THSD7B: variants seen among roughly 807,000 people sequenced by gnomAD.
The protein encoded by THSD7B is thrombospondin type 1 domain containing 7B.
THSD7B carries 138 observed loss-of-function variants against 213.6 expected under a neutral mutation model. The ratio of observed to expected loss-of-function variants is 0.65; its 90% confidence interval spans 0.56 to 0.74. The LOEUF is 0.74. Ranked by LOEUF, THSD7B falls within the 30% of genes least tolerant of loss-of-function variation. THSD7B has a pLI of 0.00. For missense variants in THSD7B, 1,931 were observed against 1,991.5 expected (o/e 0.97, Z 0.58); for synonymous variants, 742 against 687.0 (o/e 1.08, Z -1.25).
intron 1 of THSD7B, among the ~76,000 whole-genome samples, chr2:136,806,927 T>C (rs1397567831): frequency 6.6e-6 from 1 of 152,188 alleles, no homozygotes. Flanking sequence ...TTTTGTAGAA[T>C]GCTCTTTATT....
At chr2:136,865,759 A>G (rs183692371) in intron 1 of THSD7B, among the ~76,000 whole-genome samples, 4 of 152,360 alleles carry the variant, frequency 2.6e-5, no homozygotes, top group Admixed American at 6.5e-5. Flanking sequence ...AGCTGGCGTT[A>G]CCAGTTAAAA....
chr2:137,194,110 A>C (rs1158656938), intron 7 of THSD7B, among the ~76,000 whole-genome samples: 3 of 152,168 alleles, frequency 2.0e-5, no homozygotes, highest in African/African-American at 2.4e-5. Context: ...AACAAGTAAG[A>C]CCACACAAAA....
At chr2:137,444,581 A>G (rs1167355002) in intron 14 of THSD7B, among the ~76,000 whole-genome samples, 1 of 151,966 alleles carries the variant, frequency 6.6e-6, no homozygotes, top group African/African-American at 2.4e-5. Context: ...GTGCAGAAGA[A>G]TGAAACTAGA....
At chr2:137,002,330 A>G (rs894380602) in intron 2 of THSD7B, among the ~76,000 whole-genome samples, 1 of 152,176 alleles carries the variant, frequency 6.6e-6, no homozygotes, top group Non-Finnish European at 1.5e-5. Context: ...CTCATGTTAC[A>G]GATGAGAAAA....
At chr2:136,792,452 G>T (rs1352289412) in intron 1 of THSD7B, among the ~76,000 whole-genome samples, 1 of 151,944 alleles carries the variant, frequency 6.6e-6, no homozygotes, top group African/African-American at 2.4e-5. Context: ...ACCTGCCATC[G>T]TACATTTGTC....
chr2:137,416,065 C>T (rs72847186), intron 14 of THSD7B, among the ~76,000 whole-genome samples: 30,592 of 152,172 alleles, frequency 0.2, 3,353 homozygotes, highest in South Asian at 0.27. Flanking sequence ...ACATTCAAAA[C>T]ATGTTTTTGA....
intron 26 of THSD7B, among the ~76,000 whole-genome samples, chr2:137,667,239 T>C (rs570177786): frequency 6.6e-6 from 1 of 152,334 alleles, no homozygotes; most frequent in African/African-American, 2.4e-5. Context: ...AAAAATTTGA[T>C]TGACTATCTT....
rs182682658 is a variant in THSD7B at position 137,519,873 on chromosome 2, G to A, written c.3139-43348G>A. On this transcript the variant is annotated intron_variant, in intron 15 of 27. Coordinates refer to ENST00000409968, the MANE Select transcript of THSD7B (RefSeq NM_001316349.2). ...AGAAAAACAACTTTATTTGATCACT[G>A]GGGCTTTAAAAGGAAACATATCTCA... is the stretch of plus-strand genomic sequence containing the variant. Among the ~76,000 whole-genome samples the A allele has an allele frequency of 3.0e-4, 46 of 152,246 alleles. 1 individual carries two copies. The highest frequency in any genetic ancestry group is 1.7e-3 in the South Asian group (8 of 4,824).
chr2:137,236,473 AGTT>A (rs1249888284), intron 9 of THSD7B, among the ~76,000 whole-genome samples: 1 of 152,174 alleles, frequency 6.6e-6, no homozygotes, highest in Non-Finnish European at 1.5e-5. Context: ...ATCTTCCTGA[AGTT>A]GTGTTCGGTT....
At chr2:137,469,964 A>G (rs934134937) in intron 15 of THSD7B, among the ~76,000 whole-genome samples, 1 of 152,240 alleles carries the variant, frequency 6.6e-6, no homozygotes, top group African/African-American at 2.4e-5. Flanking sequence ...TCAAATGGTT[A>G]GATTTGGGGG....
intron 8 of THSD7B, 120 bp downstream of exon 8, chr2:137,231,355 C>G (rs572328575): frequency 1.0e-6 from 1 of 983,616 alleles, no homozygotes; most frequent in Non-Finnish European, 1.5e-6. Context: ...TATCTCTATT[C>G]CCTGAATCCA....
chr2:137,606,896 C>G lies in THSD7B; in HGVS notation c.3424-9279C>G, dbSNP rs576862958. Among the ~76,000 whole-genome samples the G allele has an allele frequency of 2.6e-5, 4 of 152,192 alleles. No individual in the cohort carries two copies. The East Asian group carries it at 7.7e-4, about 29-fold the overall frequency. On this transcript the variant is annotated intron_variant, in intron 17 of 27. Transcript: ENST00000409968. ...TTTCGTGTGCCCTCATTTCAAATGG[C>G]AACTGTCACCTAAGGACCCTTTGGG...
At chr2:136,983,358 G>GACACACACACACACACACACACACAC (rs778968995) in intron 2 of THSD7B, among the ~76,000 whole-genome samples, 5,995 of 104,946 alleles carry the variant, frequency 0.057, 298 homozygotes, top group East Asian at 0.13. Flanking sequence ...CAGACACACA[G>GACACACACACACACACACACACACAC]ACACACACAC....
intron 15 of THSD7B, among the ~76,000 whole-genome samples, chr2:137,462,575 A>T (rs1687905962): frequency 6.6e-6 from 1 of 152,038 alleles, no homozygotes; most frequent in South Asian, 2.1e-4. Flanking sequence ...AAAATAAAAC[A>T]AACAAACAAA....
At chr2:137,387,538 C>A (rs1685924336) in intron 12 of THSD7B, among the ~76,000 whole-genome samples, 2 of 152,072 alleles carry the variant, frequency 1.3e-5, no homozygotes, top group African/African-American at 4.8e-5. Context: ...TTAAACAATT[C>A]ATTACAGGTA....
intron 12 of THSD7B, among the ~76,000 whole-genome samples, chr2:137,337,294 A>G (rs908015027): frequency 6.6e-6 from 1 of 152,014 alleles, no homozygotes; most frequent in Non-Finnish European, 1.5e-5. Flanking sequence ...CCAGTCTGGG[A>G]CAGTTCTTCA....
chr2:136,800,329 A>C (rs1682153684), intron 1 of THSD7B, among the ~76,000 whole-genome samples: 1 of 151,840 alleles, frequency 6.6e-6, no homozygotes, highest in Non-Finnish European at 1.5e-5. Flanking sequence ...CATCATATTA[A>C]GTAGTGTGGC....
At chr2:137,188,056 A>C (rs1195380326) in intron 7 of THSD7B, among the ~76,000 whole-genome samples, 2 of 152,216 alleles carry the variant, frequency 1.3e-5, no homozygotes, top group Non-Finnish European at 2.9e-5. Context: ...AACACTTAGC[A>C]TGGTGCCTGG....
intron 5 of THSD7B, among the ~76,000 whole-genome samples, chr2:137,119,296 G>T (rs1275381267): frequency 3.3e-5 from 5 of 152,176 alleles, no homozygotes; most frequent in Non-Finnish European, 7.4e-5. Context: ...TTATGTGCCT[G>T]TTATGAGTTA....
Sources: gnomAD v4.1 joint callset for allele counts (sites outside exome capture counted in the v4.1 genomes callset) on GRCh38, gnomAD v4.1.1 for gene constraint, MANE v1.5 for transcripts, NCBI Gene and HGNC (gene_info 2026-07-23, HGNC 2026-07-21) for gene names.